C12orf42: variants seen among roughly 807,000 people sequenced by gnomAD.
C12orf42 encodes the protein uncharacterized protein C12orf42.
Under a neutral mutation model 21.6 loss-of-function variants are expected in C12orf42, and 25 were observed. That is an observed-to-expected ratio of 1.16 (90% CI 0.84 to 1.62). The LOEUF is 1.62. C12orf42 is among the 40% of genes most tolerant of loss of function. The pLI, the probability that C12orf42 is intolerant of heterozygous loss-of-function variation, is 0.00. For synonymous variants in C12orf42, 174 were observed against 175.0 expected (o/e 0.99, Z 0.05); for missense variants, 483 against 459.3 (o/e 1.05, Z -0.47).
At position 103,486,368 on chromosome 12, in the gene C12orf42, G is replaced by A. The variant is rs577571341; in HGVS notation, c.-21-7921C>T. 3.9e-4 allele frequency among the ~76,000 whole-genome samples: 59 copies of A among 152,172 alleles called. 1 individual carries two copies. Among genetic ancestry groups the A allele is most frequent in the African/African-American group, 1.2e-3 (51 of 41,508 alleles). ...AGCTTTTCGGTGTGCTGCTGGATTC[G>A]GTTTGCCAGTATTTTATTGAGGATT... On this transcript the variant is annotated intron_variant, in intron 1 of 5. Transcript: ENST00000548883.
chr12:103,135,541 A>C, the C12orf42 span, among the ~76,000 whole-genome samples: 40 of 152,304 alleles, frequency 2.6e-4, no homozygotes, highest in South Asian at 2.1e-4. Flanking sequence ...TAACAATGAG[A>C]CAAAGAAGGA....
chr12:103,199,199 T>C, the C12orf42 span, among the ~76,000 whole-genome samples: 2 of 152,146 alleles, frequency 1.3e-5, no homozygotes, highest in Non-Finnish European at 2.9e-5. Context: ...GTACCAAGAA[T>C]ACATAATGGT....
chr12:103,275,375 A>G (rs1442639879), intron 5 of C12orf42, among the ~76,000 whole-genome samples: 1 of 152,156 alleles, frequency 6.6e-6, no homozygotes, highest in Non-Finnish European at 1.5e-5. Context: ...GAAAAAATGT[A>G]AAAAGCCAAT....
At chr12:103,518,773 C>A in the C12orf42 span, among the ~76,000 whole-genome samples, 316 of 152,308 alleles carry the variant, frequency 2.1e-3, 2 homozygotes, top group African/African-American at 7.2e-3. Flanking sequence ...CCCTTCCAGG[C>A]ATCCTGATCT....
At chr12:103,106,947 A>G in the C12orf42 span, among the ~76,000 whole-genome samples, 20 of 152,094 alleles carry the variant, frequency 1.3e-4, no homozygotes, top group Non-Finnish European at 2.4e-4. Flanking sequence ...GGAAAAGTGT[A>G]TACCAGAAAA....
intron 10 of C12orf42, among the ~76,000 whole-genome samples, chr12:103,258,274 A>T (rs1334322961): frequency 6.6e-6 from 1 of 152,180 alleles, no homozygotes; most frequent in Admixed American, 6.5e-5. Context: ...AGAGTAGAGC[A>T]GCCAATGGAT....
chr12:103,137,499 C>T, the C12orf42 span, among the ~76,000 whole-genome samples: 1 of 152,168 alleles, frequency 6.6e-6, no homozygotes, highest in Non-Finnish European at 1.5e-5. Context: ...TACAATCCTT[C>T]AGTCTCACTA....
intron 4 of C12orf42, among the ~76,000 whole-genome samples, chr12:103,285,906 A>G (rs1190400108): frequency 6.6e-6 from 1 of 152,202 alleles, no homozygotes; most frequent in Admixed American, 6.5e-5. Flanking sequence ...TACTTAAAAC[A>G]GTGCTAAACA....
At chr12:103,063,823 G>T in the C12orf42 span, among the ~76,000 whole-genome samples, 1 of 152,162 alleles carries the variant, frequency 6.6e-6, no homozygotes, top group Non-Finnish European at 1.5e-5. Flanking sequence ...CAGAAATCTG[G>T]AGAACAGGCA....
intron 4 of C12orf42, among the ~76,000 whole-genome samples, chr12:103,289,604 TAATTA>T (rs982689320): frequency 5.3e-5 from 8 of 152,188 alleles, no homozygotes; most frequent in South Asian, 2.1e-4. Context: ...GCAAATTGGC[TAATTA>T]AATTATACTA....
chr12:103,255,945 C>A (rs1357565946), intron 10 of C12orf42, among the ~76,000 whole-genome samples: 1 of 146,076 alleles, frequency 6.8e-6, no homozygotes, highest in African/African-American at 2.5e-5. Flanking sequence ...CCCAGCTACT[C>A]GGGAGGCTGA....
chr12:103,331,282 G>A (rs2041218086), intron 4 of C12orf42, among the ~76,000 whole-genome samples: 1 of 152,028 alleles, frequency 6.6e-6, no homozygotes, highest in Non-Finnish European at 1.5e-5. Flanking sequence ...ACTGAATATT[G>A]TATATTATGT....
the C12orf42 span, among the ~76,000 whole-genome samples, chr12:103,515,498 A>G: frequency 6.6e-6 from 1 of 152,244 alleles, no homozygotes; most frequent in African/African-American, 2.4e-5. Flanking sequence ...AACTAGTTGT[A>G]TAATTAAGTG....
the C12orf42 span, among the ~76,000 whole-genome samples, chr12:103,507,945 C>T: frequency 6.6e-6 from 1 of 152,124 alleles, no homozygotes; most frequent in Admixed American, 6.5e-5. Flanking sequence ...CCCCGACTAC[C>T]GTAGCTATTC....
the C12orf42 span, among the ~76,000 whole-genome samples, chr12:103,519,012 G>A: frequency 6.6e-6 from 1 of 152,168 alleles, no homozygotes; most frequent in African/African-American, 2.4e-5. Flanking sequence ...GAGAGACCAG[G>A]TGGAGGTGAT....
chr12:103,127,381 C>T, the C12orf42 span, among the ~76,000 whole-genome samples: 1 of 152,098 alleles, frequency 6.6e-6, no homozygotes, highest in African/African-American at 2.4e-5. Flanking sequence ...AAATTATTCA[C>T]GTGCTATTAC....
chr12:103,186,346 A>G, the C12orf42 span, among the ~76,000 whole-genome samples: 1 of 152,212 alleles, frequency 6.6e-6, no homozygotes, highest in African/African-American at 2.4e-5. Context: ...ACAGTTTTCC[A>G]GGAGTATTCC....
chr12:103,066,818 G>C, the C12orf42 span, among the ~76,000 whole-genome samples: 1 of 152,222 alleles, frequency 6.6e-6, no homozygotes, highest in Non-Finnish European at 1.5e-5. Flanking sequence ...TCCCATGTGA[G>C]TTCTCACCAA....
At chr12:103,527,887 T>C in the C12orf42 span, among the ~76,000 whole-genome samples, 1 of 152,246 alleles carries the variant, frequency 6.6e-6, no homozygotes, top group Non-Finnish European at 1.5e-5. Context: ...AACTTTTAAA[T>C]TTATACAATG....
Sources: allele counts gnomAD v4.1 joint callset (sites outside exome capture counted in the v4.1 genomes callset), GRCh38; gene constraint gnomAD v4.1.1; transcripts MANE v1.5; gene names NCBI Gene and HGNC (gene_info 2026-07-23, HGNC 2026-07-21).